The following HDAC9 variants were observed in gnomAD, a reference collection of about 807,000 sequenced individuals.
HDAC9 encodes the protein histone deacetylase 9, also known as MEF-2 interacting transcription repressor (MITR) protein.
HDAC9 carries 41 observed loss-of-function variants against 139.4 expected under a neutral mutation model. The ratio of observed to expected loss-of-function variants is 0.29; its 90% CI spans 0.23 to 0.38. The LOEUF is 0.38. Ranked by LOEUF, HDAC9 falls within the 10% of genes least tolerant of loss-of-function variation. HDAC9 has a pLI of 1.00. For synonymous variants in HDAC9, 517 were observed against 476.2 expected, an observed-to-expected ratio of 1.09 and a Z score of -1.12; for missense variants, 1,147 against 1,297.0, an observed-to-expected ratio of 0.88 and a Z score of 1.78.
intron 2 of HDAC9, among the ~76,000 whole-genome samples, chr7:18,211,822 G>T (rs770776631): frequency 1.3e-5 from 2 of 152,128 alleles, no homozygotes; most frequent in Non-Finnish European, 2.9e-5. Context: ...AAAGCCTCCT[G>T]TGAGGACATT....
chr7:18,112,908 G>A (rs1783720796), intron 1 of HDAC9, among the ~76,000 whole-genome samples: 1 of 152,132 alleles, frequency 6.6e-6, no homozygotes. Flanking sequence ...TTACAGGTTT[G>A]GGAGAGCGTT....
chr7:18,710,027 CG>C (rs1784230798), intron 12 of HDAC9, among the ~76,000 whole-genome samples: 1 of 152,154 alleles, frequency 6.6e-6, no homozygotes, highest in Non-Finnish European at 1.5e-5. Context: ...TAAAGTTCCA[CG>C]TGGCTGAAGA....
chr7:18,718,121 TA>T (rs138355922), intron 12 of HDAC9, among the ~76,000 whole-genome samples: 3,867 of 152,308 alleles, frequency 0.025, 121 homozygotes, highest in African/African-American at 0.082. Context: ...CCATTAGCAG[TA>T]ACTTCATCCT....
intron 2 of HDAC9, among the ~76,000 whole-genome samples, chr7:18,556,522 G>A (rs1157417673): frequency 1.3e-5 from 2 of 151,990 alleles, no homozygotes; most frequent in African/African-American, 4.8e-5. Flanking sequence ...AAAATTCAAA[G>A]CGTCTTTACT....
chr7:18,728,345 T>C (rs962857174), intron 13 of HDAC9, among the ~76,000 whole-genome samples: 2 of 151,248 alleles, frequency 1.3e-5, no homozygotes, highest in African/African-American at 4.9e-5. Flanking sequence ...TTTCAGAACC[T>C]GACTACAGAG....
At chr7:18,423,013 G>C (rs929435629) in intron 1 of HDAC9, among the ~76,000 whole-genome samples, 1 of 152,120 alleles carries the variant, frequency 6.6e-6, no homozygotes, top group Non-Finnish European at 1.5e-5. Flanking sequence ...TCTATCAAAA[G>C]TTATTTTATA....
chr7:18,382,583 T>C (rs1379885194), intron 1 of HDAC9, among the ~76,000 whole-genome samples: 2 of 152,226 alleles, frequency 1.3e-5, no homozygotes, highest in South Asian at 4.1e-4. Flanking sequence ...AGAGTGACTG[T>C]GTAGAGAAAG....
chr7:18,732,902 C>CGT (rs1370272540), intron 13 of HDAC9, among the ~76,000 whole-genome samples: 1 of 61,218 alleles, frequency 1.6e-5, no homozygotes, highest in Admixed American at 1.4e-4. Context: ...TACACACACA[C>CGT]GTGTGCGTAT....
intron 1 of HDAC9, among the ~76,000 whole-genome samples, chr7:18,302,743 C>T (rs904249993): frequency 1.3e-5 from 2 of 152,156 alleles, no homozygotes; most frequent in African/African-American, 4.8e-5. Flanking sequence ...AACAAACCTT[C>T]TAGAAGGCAT....
chr7:18,869,362 T>TA (rs1798740946), intron 21 of HDAC9, among the ~76,000 whole-genome samples: 1 of 152,056 alleles, frequency 6.6e-6, no homozygotes, highest in Non-Finnish European at 1.5e-5. Flanking sequence ...GTTCTCATGA[T>TA]AGAGTTCTCA....
chr7:18,953,624 C>G (rs183782865), intron 23 of HDAC9, among the ~76,000 whole-genome samples: 2 of 152,106 alleles, frequency 1.3e-5, no homozygotes, highest in East Asian at 3.9e-4. Flanking sequence ...TTATTTGAAC[C>G]CTTTCTCTAC....
At chr7:18,799,101 C>G (rs2129182731) in intron 17 of HDAC9, among the ~76,000 whole-genome samples, 1 of 150,380 alleles carries the variant, frequency 6.6e-6, no homozygotes, top group East Asian at 2.0e-4. Context: ...ACACAGAGCC[C>G]CTCGGCAAAG....
chr7:18,176,708 G>C (rs1447970157), intron 2 of HDAC9, among the ~76,000 whole-genome samples: 1 of 152,096 alleles, frequency 6.6e-6, no homozygotes, highest in African/African-American at 2.4e-5. Context: ...CAGGTAAACT[G>C]TGTGTCACAG....
intron 17 of HDAC9, 92 bp downstream of exon 17, chr7:18,793,544 G>A (rs537917713): frequency 1.2e-6 from 1 of 841,964 alleles, no homozygotes. Context: ...GTGTGGCGTG[G>A]TAATAAAAGG....
intron 2 of HDAC9, among the ~76,000 whole-genome samples, chr7:18,201,513 A>G (rs775145184): frequency 7.9e-5 from 12 of 152,198 alleles, no homozygotes; most frequent in Non-Finnish European, 1.3e-4. Flanking sequence ...GTGCAACTGC[A>G]GGTTCCTGGT....
At chr7:18,889,935 G>A (rs1008646455) in intron 22 of HDAC9, among the ~76,000 whole-genome samples, 1 of 152,134 alleles carries the variant, frequency 6.6e-6, no homozygotes, top group Non-Finnish European at 1.5e-5. Context: ...GAACTCCTGT[G>A]CTCAAGTGAG....
intron 17 of HDAC9, among the ~76,000 whole-genome samples, chr7:18,821,230 C>T (rs1410456791): frequency 6.6e-6 from 1 of 152,234 alleles, no homozygotes; most frequent in East Asian, 1.9e-4. Flanking sequence ...AAGGCCCTAC[C>T]ATTTAATAAT....
intron 1 of HDAC9, among the ~76,000 whole-genome samples, chr7:18,333,522 A>G (rs1449054906): frequency 6.6e-6 from 1 of 151,464 alleles, no homozygotes; most frequent in Non-Finnish European, 1.5e-5. Context: ...AACCTCAAAT[A>G]CACACCATGA....
chr7:18,505,794 C>T lies in HDAC9; in HGVS notation c.22+9470C>T, dbSNP rs544818203. 1.4e-4 allele frequency: 21 copies of T among 152,278 alleles called. 1 individual carries two copies. The South Asian group carries it at 4.1e-3, about 30-fold the overall frequency. The allele number at this position is 152,278 out of a possible 1,614,324, so 9.4% of individuals were successfully genotyped here. A position where few individuals can be genotyped will look rare whatever the true frequency, so the allele number is the denominator to read the frequency against. On this transcript the variant is annotated intron_variant, in intron 2 of 25. Transcript: ENST00000686413. Reference sequence around the variant, plus strand: ...ATTGTAAAAGCATTATTGATTATCACGTTAATGATTGACATAATTTATTGC... The same window carrying T: ...ATTGTAAAAGCATTATTGATTATCATGTTAATGATTGACATAATTTATTGC...
Sources: allele counts gnomAD v4.1 joint callset (sites outside exome capture counted in the v4.1 genomes callset), GRCh38; gene constraint gnomAD v4.1.1; transcripts MANE v1.5; gene names NCBI Gene and HGNC (gene_info 2026-07-23, HGNC 2026-07-21).